Variants in GPR158 observed in about 807,000 individuals in gnomAD.
The protein encoded by GPR158 is G protein-coupled receptor 158, also known as metabotropic glycine receptor.
GPR158 carries 30 observed loss-of-function variants against 78.2 expected under a neutral mutation model. The ratio of observed to expected loss-of-function variants is 0.38; its 90% CI spans 0.29 to 0.52. GPR158 has a LOEUF of 0.52. GPR158 is among the 20% of genes least tolerant of loss of function. GPR158 has a pLI of 0.83. For missense variants in GPR158, 1,463 were observed against 1,523.5 expected, an observed-to-expected ratio of 0.96 and a Z score of 0.66; for synonymous variants, 581 against 591.1, an observed-to-expected ratio of 0.98 and a Z score of 0.25.
chr10:25,447,223 AT>A (rs1358434163), intron 4 of GPR158, among the ~76,000 whole-genome samples: 1 of 152,206 alleles, frequency 6.6e-6, no homozygotes, highest in African/African-American at 2.4e-5. Context: ...GTACACATAT[AT>A]ATTTTATTAG....
chr10:25,306,754 T>C lies in GPR158; in HGVS notation c.1008+85597T>C, dbSNP rs537871389. Reference sequence around the variant, plus strand: ...GGGAGACATCATGTACTTTTTCTTCTTTATCCCTCAGATATAATCAAGCAT... The same window carrying C: ...GGGAGACATCATGTACTTTTTCTTCCTTATCCCTCAGATATAATCAAGCAT... On this transcript the variant is annotated intron_variant, in intron 2 of 10. Coordinates refer to ENST00000376351, the MANE Select transcript of GPR158 (RefSeq NM_020752.3). Among the ~76,000 whole-genome samples the C allele has an allele frequency of 3.3e-5, 5 of 152,298 alleles. No individual in the cohort carries two copies. In the East Asian group the frequency reaches 9.6e-4, roughly 29 times the overall value.
Position 25,596,652 on chromosome 10 carries a change from T to C in GPR158, c.2008T>C (p.Ser670Pro), listed in dbSNP as rs1837411851. 2 of 1,613,060 alleles carry C rather than the reference T, an allele frequency of 1.2e-6. No individual in the cohort carries two copies. The highest frequency in any genetic ancestry group is 1.3e-5 in the African/African-American group (1 of 74,966). Residue 670 changes from serine to proline, a missense_variant, in exon 10 of 11, where the codon TCA (serine) becomes CCA (proline). Transcript: ENST00000376351. ...ACTGAATTTGTTTCAGTTTTCACATTCAAGCAATAACCCACGAGATGATAT... is the reference window on the plus strand; with the variant it reads ...ACTGAATTTGTTTCAGTTTTCACATCCAAGCAATAACCCACGAGATGATAT... ...GLLLIPKFSH[S>P]SNNPRDDIAT...
chr10:25,476,089 A>T (rs891532154), intron 5 of GPR158: 1 of 152,134 alleles, frequency 6.6e-6, no homozygotes, highest in Non-Finnish European at 1.5e-5. Context: ...TAGCATTGTT[A>T]TATTGGGTAG....
chr10:25,393,748 G>A (rs1321135538), intron 2 of GPR158: 1 of 152,112 alleles, frequency 6.6e-6, no homozygotes, highest in East Asian at 1.9e-4. Context: ...GAGTAGTGAG[G>A]AAGGAAAAAG....
At chr10:25,360,175 T>A (rs912913078) in intron 2 of GPR158, among the ~76,000 whole-genome samples, 1 of 152,204 alleles carries the variant, frequency 6.6e-6, no homozygotes, top group African/African-American at 2.4e-5. Flanking sequence ...ATGGATAGAT[T>A]GTAAAAATTT....
chr10:25,182,672 A>C (rs572159137), intron 1 of GPR158, among the ~76,000 whole-genome samples: 1 of 152,320 alleles, frequency 6.6e-6, no homozygotes, highest in South Asian at 2.1e-4. Context: ...TTTGTTGCAC[A>C]TGGTTCAGAT....
intron 8 of GPR158, among the ~76,000 whole-genome samples, chr10:25,591,988 A>G (rs548127100): frequency 6.6e-6 from 1 of 152,044 alleles, no homozygotes; most frequent in Non-Finnish European, 1.5e-5. Context: ...CTGAACTTAT[A>G]CATGTGATGG....
chr10:25,248,019 G>C (rs1737396254), intron 2 of GPR158, among the ~76,000 whole-genome samples: 1 of 151,862 alleles, frequency 6.6e-6, no homozygotes, highest in South Asian at 2.1e-4. Flanking sequence ...TAACTGGTGT[G>C]AGATGGTATC....
At chr10:25,388,264 T>A (rs537317676) in intron 2 of GPR158, among the ~76,000 whole-genome samples, 4 of 152,334 alleles carry the variant, frequency 2.6e-5, no homozygotes, top group African/African-American at 9.6e-5. Context: ...CCAGCTGCAT[T>A]GGTGAGGTGA....
intron 2 of GPR158, among the ~76,000 whole-genome samples, chr10:25,377,532 C>A (rs1834098016): frequency 2.0e-5 from 3 of 151,990 alleles, no homozygotes; most frequent in Non-Finnish European, 4.4e-5. Flanking sequence ...TCATTAGGTT[C>A]ATTCTCACCA....
At chr10:25,343,604 G>A (rs1222552892) in intron 2 of GPR158, among the ~76,000 whole-genome samples, 1 of 151,848 alleles carries the variant, frequency 6.6e-6, no homozygotes, top group Non-Finnish European at 1.5e-5. Context: ...AAACTTTAGG[G>A]CACATAAAGA....
intron 1 of GPR158, among the ~76,000 whole-genome samples, chr10:25,192,769 AAAAG>A (rs1016208041): frequency 6.6e-6 from 1 of 152,090 alleles, no homozygotes; most frequent in Non-Finnish European, 1.5e-5. Flanking sequence ...TATAATAAAA[AAAAG>A]GTAGAAAAAT....
chr10:25,325,108 T>C (rs1283876121), intron 2 of GPR158, among the ~76,000 whole-genome samples: 1 of 152,110 alleles, frequency 6.6e-6, no homozygotes, highest in Non-Finnish European at 1.5e-5. Flanking sequence ...TCTCCCAAAG[T>C]GTTAGGATTA....
At chr10:25,451,562 T>C (rs1402759272) in intron 4 of GPR158, among the ~76,000 whole-genome samples, 2 of 152,192 alleles carry the variant, frequency 1.3e-5, no homozygotes, top group African/African-American at 4.8e-5. Flanking sequence ...ACTATCCAGA[T>C]ACTATTTTAA....
intron 2 of GPR158, among the ~76,000 whole-genome samples, chr10:25,254,004 A>G (rs528327912): frequency 6.6e-6 from 1 of 152,340 alleles, no homozygotes; most frequent in East Asian, 1.9e-4. Context: ...TTGCTCTTTC[A>G]AATGGAAGGA....
At chr10:25,596,858 G>A (rs996310915) in intron 10 of GPR158, 69 bp downstream of exon 10, 59 of 1,355,592 alleles carry the variant, frequency 4.4e-5, no homozygotes, top group Non-Finnish European at 5.7e-5. Flanking sequence ...GCGTGTGTGG[G>A]TTGGGGTGCG....
At chr10:25,249,218 C>G (rs1042335803) in intron 2 of GPR158, among the ~76,000 whole-genome samples, 2 of 152,084 alleles carry the variant, frequency 1.3e-5, no homozygotes, top group African/African-American at 4.8e-5. Context: ...TGGGCTGAGA[C>G]AATGGGGTTT....
At chr10:25,560,517 G>C (rs1836847429) in intron 6 of GPR158, among the ~76,000 whole-genome samples, 1 of 152,104 alleles carries the variant, frequency 6.6e-6, no homozygotes, top group Admixed American at 6.5e-5. Flanking sequence ...CGCCTGCCTT[G>C]GCCTCCCAAA....
intron 4 of GPR158, among the ~76,000 whole-genome samples, chr10:25,422,565 C>T (rs1834765122): frequency 6.6e-6 from 1 of 150,772 alleles, no homozygotes; most frequent in African/African-American, 2.4e-5. Flanking sequence ...AACAAAATTC[C>T]TCATCTGAAT....
Sources: gnomAD v4.1 joint callset for allele counts (sites outside exome capture counted in the v4.1 genomes callset) on GRCh38, gnomAD v4.1.1 for gene constraint, MANE v1.5 for transcripts, NCBI Gene and HGNC (gene_info 2026-07-23, HGNC 2026-07-21) for gene names.